The following DNAH3 variants were observed in gnomAD, a reference collection of about 807,000 sequenced individuals.
DNAH3 encodes the protein dynein axonemal heavy chain 3.
A neutral mutation model predicts 432.5 loss-of-function variants in DNAH3; 332 were observed. The observed-to-expected ratio is 0.77, with a 90% CI of 0.70 to 0.84. DNAH3 has a LOEUF of 0.84. Among genes scored for constraint, DNAH3 ranks in the 40% least tolerant of loss-of-function variants. The pLI, the probability that DNAH3 is intolerant of heterozygous loss-of-function variation, is 0.00. For missense variants in DNAH3, 4,861 were observed against 5,114.0 expected (o/e 0.95, Z 1.51); for synonymous variants, 1,956 against 1,900.2 (o/e 1.03, Z -0.76).
chr16:21,117,239 A>G (rs760663798), exon 12 of DNAH3: 16 of 1,610,128 alleles, frequency 9.9e-6, no homozygotes, highest in Non-Finnish European at 1.4e-5. Context: ...AAATACCTTG[A>G]AAGTTTGAAT....
chr16:20,970,595 CAT>C (rs2085293356), intron 51 of DNAH3, among the ~76,000 whole-genome samples: 1 of 152,158 alleles, frequency 6.6e-6, no homozygotes, highest in South Asian at 2.1e-4. Context: ...ATGCTAAAAA[CAT>C]AATTTAAAAT....
At chr16:20,997,153 G>A (rs2086795925) in intron 44 of DNAH3, 130 bp downstream of exon 44, 1 of 788,592 alleles carries the variant, frequency 1.3e-6, no homozygotes, top group Non-Finnish European at 2.0e-6. Context: ...GCCTACACAT[G>A]CTTCTGCTCC....
intron 34 of DNAH3, among the ~76,000 whole-genome samples, chr16:21,037,082 G>T (rs2089208722): frequency 6.6e-6 from 1 of 152,190 alleles, no homozygotes; most frequent in African/African-American, 2.4e-5. Flanking sequence ...ACCGAGGTGG[G>T]TGGATCACCT....
intron 55 of DNAH3, among the ~76,000 whole-genome samples, chr16:20,953,505 T>C (rs1373153578): frequency 6.6e-6 from 1 of 151,972 alleles, no homozygotes; most frequent in Admixed American, 6.6e-5. Flanking sequence ...TTTCAAATTA[T>C]AACAAAATAA....
intron 53 of DNAH3, among the ~76,000 whole-genome samples, chr16:20,961,762 T>TG (rs57990586): frequency 0.18 from 24,073 of 136,246 alleles, 2,557 homozygotes; most frequent in African/African-American, 0.26. Flanking sequence ...TTCTGGTTTT[T>TG]TTTTTTTTTT....
At chr16:21,123,162 T>C (rs959321134) in intron 9 of DNAH3, among the ~76,000 whole-genome samples, 5 of 152,200 alleles carry the variant, frequency 3.3e-5, no homozygotes, top group African/African-American at 1.2e-4. Flanking sequence ...GAGTTGCTAA[T>C]GAGCATAGTT....
chr16:21,107,321 C>A (rs1447011174), intron 14 of DNAH3, among the ~76,000 whole-genome samples: 2 of 145,922 alleles, frequency 1.4e-5, no homozygotes, highest in Non-Finnish European at 3.0e-5. Context: ...CTCACTGCAA[C>A]CTCTGCTTCC....
intron 44 of DNAH3, among the ~76,000 whole-genome samples, chr16:20,990,379 G>C (rs181302916): frequency 3.3e-5 from 5 of 152,092 alleles, no homozygotes; most frequent in African/African-American, 1.2e-4. Flanking sequence ...ATATATACCA[G>C]CTTTATTGAT....
intron 49 of DNAH3, among the ~76,000 whole-genome samples, chr16:20,979,799 G>A (rs1472053815): frequency 2.0e-5 from 3 of 152,070 alleles, no homozygotes; most frequent in African/African-American, 7.3e-5. Flanking sequence ...ACCCAGGCTG[G>A]AGTGCAGTGG....
chr16:21,041,485 C>CA (rs879596104), intron 32 of DNAH3, among the ~76,000 whole-genome samples: 9 of 152,138 alleles, frequency 5.9e-5, no homozygotes, highest in Non-Finnish European at 1.0e-4. Flanking sequence ...TTTCTCTTCT[C>CA]AGAGAGAAGT....
At chr16:21,067,415 T>A in exon 24 of DNAH3, 1 of 1,613,542 alleles carries the variant, frequency 6.2e-7, no homozygotes, top group South Asian at 1.1e-5. Context: ...CCTGTTATCT[T>A]TCACCTGGGT....
chr16:20,999,436 T>C (rs758786126), intron 43 of DNAH3, among the ~76,000 whole-genome samples: 1 of 152,152 alleles, frequency 6.6e-6, no homozygotes, highest in Non-Finnish European at 1.5e-5. Flanking sequence ...GGCAAGGACA[T>C]GAACTCAGGC....
chr16:21,040,889 T>C (rs2089413668), intron 32 of DNAH3, among the ~76,000 whole-genome samples: 1 of 152,138 alleles, frequency 6.6e-6, no homozygotes, highest in African/African-American at 2.4e-5. Context: ...TCTTAGATCT[T>C]AGAGGAGAAG....
chr16:20,952,472 A>G, exon 56 of DNAH3: 1 of 1,613,338 alleles, frequency 6.2e-7, no homozygotes, highest in African/African-American at 1.3e-5. Flanking sequence ...ACCTCCTTGT[A>G]GTCATTGAGA....
At position 20,944,594 on chromosome 16, in the gene DNAH3, C is replaced by T. The variant is rs530088853; in HGVS notation, c.11413G>A (p.Ala3805Thr). ...TCCTGGTTGTCTTTGGTGATGTCTG[C>T]GTTCTCATGGAGGCCGAACACTTCT... Residue 3805 changes from alanine (A) to threonine (T), a missense_variant, in exon 58 of 62, where the codon GCA becomes ACA. By Grantham distance (58) the Ala-to-Thr change is moderately conservative. Coordinates refer to ENST00000261383, the Ensembl canonical transcript of DNAH3. The T allele has an allele frequency of 6.8e-6, 11 of 1,614,048 alleles. No individual in the cohort carries two copies. The South Asian group carries it at 7.7e-5, about 11-fold the overall frequency.
chr16:21,140,532 G>A lies in DNAH3; in HGVS notation c.696+4C>T, dbSNP rs185314512. ...CCGAGGGAAAGGGGGCAACAGGAACGTACCTCCAGGTCCGATTCAGATGGC... is the reference window on the plus strand; with the variant it reads ...CCGAGGGAAAGGGGGCAACAGGAACATACCTCCAGGTCCGATTCAGATGGC... On this transcript the variant is annotated splice_donor_region_variant and intron_variant, in intron 5 of 61. Transcript: ENST00000261383. 1.1e-5 allele frequency: 18 copies of A among 1,612,762 alleles called. No homozygotes were observed. The highest frequency in any genetic ancestry group is 5.3e-5 in the African/African-American group (4 of 75,004).
At chr16:20,954,834 T>C (rs1157675446) in exon 55 of DNAH3, 1 of 1,614,142 alleles carries the variant, frequency 6.2e-7, no homozygotes, top group South Asian at 1.1e-5. Context: ...AAGTTTCTTC[T>C]CTCTTGAACA....
intron 41 of DNAH3, among the ~76,000 whole-genome samples, chr16:21,010,096 C>A (rs555081698): frequency 6.6e-6 from 1 of 152,108 alleles, no homozygotes; most frequent in Non-Finnish European, 1.5e-5. Context: ...AAAATCACTA[C>A]GGAGAGTGAG....
intron 49 of DNAH3, among the ~76,000 whole-genome samples, chr16:20,982,002 T>C (rs566087011): frequency 6.8e-6 from 1 of 146,148 alleles, no homozygotes; most frequent in African/African-American, 2.6e-5. Flanking sequence ...ATATATAATA[T>C]ATAATATATA....
Sources: gnomAD v4.1 joint callset for allele counts (sites outside exome capture counted in the v4.1 genomes callset) on GRCh38, gnomAD v4.1.1 for gene constraint, MANE v1.5 for transcripts, NCBI Gene and HGNC (gene_info 2026-07-23, HGNC 2026-07-21) for gene names.